The following PTCSC3 variants were observed in gnomAD, a reference collection of about 807,000 sequenced individuals.
PTCSC3 encodes papillary thyroid carcinoma susceptibility candidate 3, also known as papillary thyroid carcinoma susceptibility candidate 3 (non-protein coding).
chr14:36,157,963 G>T (rs2139103344), intron 2 of PTCSC3, among the ~76,000 whole-genome samples: 1 of 152,248 alleles, frequency 6.6e-6, no homozygotes, highest in East Asian at 1.9e-4. Context: ...TCCTTGAAGA[G>T]GTCCTTCACA....
chr14:36,146,706 T>C (rs1881579609), intron 3 of PTCSC3, among the ~76,000 whole-genome samples: 1 of 152,234 alleles, frequency 6.6e-6, no homozygotes, highest in Non-Finnish European at 1.5e-5. Context: ...CCTGTCATTA[T>C]GATGTTAGCT....
In PTCSC3 at chr14:36,140,145, A is replaced by G. The variant is rs192806541; in HGVS notation, n.323-3789T>C. 2.0e-3 allele frequency among the ~76,000 whole-genome samples: 309 copies of G among 152,340 alleles called. 1 individual carries two copies. Among genetic ancestry groups the G allele is most frequent in the African/African-American group, 7.0e-3 (293 of 41,584 alleles). On this transcript the variant is annotated intron_variant and non_coding_transcript_variant, in intron 3 of 3. Transcript: ENST00000556013. ...TGCAATATGCATTTGTTTCCTCTGT[A>G]TCTTTTAATGGCTTGGTAGCACATT... is the stretch of plus-strand genomic sequence containing the variant.
Position 36,173,357 on chromosome 14 carries a change from GT to G in PTCSC3, n.171+2940del, listed in dbSNP as rs537711199. 2.6e-3 allele frequency among the ~76,000 whole-genome samples: 401 copies of G among 152,248 alleles called. 4 individuals carry two copies. Among genetic ancestry groups the G allele is most frequent in the South Asian group, 0.022 (104 of 4,816 alleles). ...AGTACTGGTAGAGGCAATCAACACT[GT>G]AACTCTGAATCATAGCCCTCTTTTG... On this transcript the variant is annotated intron_variant and non_coding_transcript_variant, in intron 1 of 3. Transcript: ENST00000556013.
At chr14:36,144,533 T>A (rs2139091242) in intron 3 of PTCSC3, among the ~76,000 whole-genome samples, 12 of 105,954 alleles carry the variant, frequency 1.1e-4, no homozygotes, top group East Asian at 5.4e-4. Flanking sequence ...TTGCTGAAGT[T>A]GCTTATCAGC....
At position 36,137,740 on chromosome 14, in the gene PTCSC3, G is replaced by A. The variant is rs73245298; in HGVS notation, n.323-1384C>T. Among the ~76,000 whole-genome samples the A allele has an allele frequency of 4.6e-3, 694 of 152,306 alleles. 10 individuals carry two copies. Among genetic ancestry groups the A allele is most frequent in the African/African-American group, 0.016 (659 of 41,558 alleles). On this transcript the variant is annotated intron_variant and non_coding_transcript_variant, in intron 3 of 3. Transcript: ENST00000556013. ...GATATGTGATCTTACATAACATGGA[G>A]CAACTAACATGGTGAAGGCTGCAAA...
At chr14:36,134,989 TA>T, downstream of PTCSC3, among the ~76,000 whole-genome samples, 1 of 152,336 alleles carries the variant, frequency 6.6e-6, no homozygotes, top group South Asian at 2.1e-4. Context: ...TCTGGCCTTT[TA>T]AAGTAACCCA....
At chr14:36,169,448 C>T (rs182400676) in intron 1 of PTCSC3, among the ~76,000 whole-genome samples, 5 of 152,148 alleles carry the variant, frequency 3.3e-5, no homozygotes, top group Admixed American at 6.5e-5. Flanking sequence ...AAAATGGATT[C>T]AGGTACAATC....
intron 1 of PTCSC3, among the ~76,000 whole-genome samples, chr14:36,169,207 C>G: frequency 6.6e-6 from 1 of 151,922 alleles, no homozygotes; most frequent in African/African-American, 2.4e-5. Context: ...AAACATACTG[C>G]CTTAAATTTT....
chr14:36,167,869 C>A (rs572384720), intron 1 of PTCSC3, among the ~76,000 whole-genome samples: 3 of 152,114 alleles, frequency 2.0e-5, no homozygotes, highest in African/African-American at 7.2e-5. Context: ...CAGTGCTTAA[C>A]GTTCTGTAGA....
At chr14:36,153,711 C>A (rs2139099700) in intron 3 of PTCSC3, 1 of 152,218 alleles carries the variant, frequency 6.6e-6, no homozygotes, top group East Asian at 1.9e-4. Flanking sequence ...CATTCAGATT[C>A]TAATAAGAGT....
chr14:36,157,121 T>C (rs895496645), intron 2 of PTCSC3, among the ~76,000 whole-genome samples: 7 of 152,232 alleles, frequency 4.6e-5, no homozygotes, highest in African/African-American at 1.7e-4. Flanking sequence ...TGGCTTGAGA[T>C]GGTATCACAT....
At chr14:36,173,396 G>A (rs1882223921) in intron 1 of PTCSC3, among the ~76,000 whole-genome samples, 1 of 152,110 alleles carries the variant, frequency 6.6e-6, no homozygotes, top group Non-Finnish European at 1.5e-5. Context: ...CAAAGGAAAA[G>A]TAGCTCGGAG....
intron 3 of PTCSC3, among the ~76,000 whole-genome samples, chr14:36,137,374 G>T (rs1370026527): frequency 6.6e-6 from 1 of 152,182 alleles, no homozygotes; most frequent in Non-Finnish European, 1.5e-5. Context: ...GCTTATGTAA[G>T]AACTTTAGAT....
At chr14:36,143,924 C>T (rs12886019) in intron 3 of PTCSC3, among the ~76,000 whole-genome samples, 71,352 of 149,094 alleles carry the variant, frequency 0.48, 18,067 homozygotes, top group Non-Finnish European at 0.58. Flanking sequence ...GAATCCTTTC[C>T]CCATTGCTTG....
At chr14:36,157,012 T>G (rs1566507771) in intron 2 of PTCSC3, among the ~76,000 whole-genome samples, 1 of 152,194 alleles carries the variant, frequency 6.6e-6, no homozygotes, top group Non-Finnish European at 1.5e-5. Flanking sequence ...ATGGTTGAAC[T>G]AATTTACCCT....
intron 3 of PTCSC3, among the ~76,000 whole-genome samples, chr14:36,150,298 C>T (rs1348708680): frequency 1.3e-5 from 2 of 152,020 alleles, no homozygotes; most frequent in Admixed American, 1.3e-4. Flanking sequence ...GTATTATTGC[C>T]TTTATAAAGA....
intron 1 of PTCSC3, among the ~76,000 whole-genome samples, chr14:36,172,714 G>A (rs965165414): frequency 2.6e-5 from 4 of 151,994 alleles, no homozygotes; most frequent in Non-Finnish European, 5.9e-5. Context: ...CCAGTGCTCA[G>A]TTTTTCAAGC....
intron 3 of PTCSC3, among the ~76,000 whole-genome samples, chr14:36,146,299 T>G (rs368934019): frequency 1.3e-5 from 2 of 148,608 alleles, no homozygotes; most frequent in African/African-American, 2.5e-5. Context: ...GGGAGTCTAA[T>G]TCTCTTTGTA....
chr14:36,149,257 A>G (rs1449796019), intron 3 of PTCSC3, among the ~76,000 whole-genome samples: 1 of 151,816 alleles, frequency 6.6e-6, no homozygotes, highest in Non-Finnish European at 1.5e-5. Context: ...TGTTATTTAA[A>G]AGTGTGTTGT....
Sources: gnomAD v4.1 joint callset for allele counts (sites outside exome capture counted in the v4.1 genomes callset) on GRCh38, gnomAD v4.1.1 for gene constraint, MANE v1.5 for transcripts, NCBI Gene and HGNC (gene_info 2026-07-23, HGNC 2026-07-21) for gene names.